The following PEX7 variants were observed in gnomAD, a reference collection of about 807,000 sequenced individuals.
PEX7 encodes the protein PTS2 receptor.
A neutral mutation model predicts 47.5 loss-of-function variants in PEX7; 34 were observed. The ratio of observed to expected loss-of-function variants is 0.72; its 90% CI spans 0.54 to 0.95. PEX7 has a LOEUF of 0.95. Among genes scored for constraint, PEX7 ranks in the 40% least tolerant of loss-of-function variants. The pLI, the probability that PEX7 is intolerant of heterozygous loss-of-function variation, is 0.00. For missense variants in PEX7, 394 were observed against 400.3 expected (o/e 0.98, Z 0.13); for synonymous variants, 141 against 148.8 (o/e 0.95, Z 0.38).
Position 136,866,649 on chromosome 6 carries a change from G to C in PEX7, c.549G>C (p.Trp183Cys), listed in dbSNP as rs753283873. ...TAGGTGATCAGACTCTGAGAATATG[G>C]GATGTGAAGGCAGCAGGAGTAAGAA... ...SASGDQTLRI[W>C]DVKAAGVRIV... Residue 183 changes from tryptophan (W) to cysteine (C), a missense_variant, in exon 6 of 10, where the codon TGG becomes TGC. Transcript: ENST00000318471. 6.2e-7 allele frequency: 1 copy of C among 1,613,972 alleles called. No homozygotes were observed. Among genetic ancestry groups the C allele is most frequent in the Non-Finnish European group, 8.5e-7 (1 of 1,179,936 alleles).
intron 9 of PEX7, among the ~76,000 whole-genome samples, chr6:136,904,295 T>C (rs533317677): frequency 4.6e-5 from 7 of 152,334 alleles, no homozygotes; most frequent in African/African-American, 1.7e-4. Context: ...TGTAATTTTT[T>C]AGCTTACAAT....
At chr6:136,894,097 G>A (rs568120506) in intron 8 of PEX7, among the ~76,000 whole-genome samples, 1 of 152,270 alleles carries the variant, frequency 6.6e-6, no homozygotes, top group African/African-American at 2.4e-5. Flanking sequence ...TGGGAGGGTG[G>A]AGTGGGGAGA....
intron 8 of PEX7, among the ~76,000 whole-genome samples, chr6:136,876,317 G>A (rs569097989): frequency 6.6e-6 from 1 of 152,188 alleles, no homozygotes; most frequent in Non-Finnish European, 1.5e-5. Flanking sequence ...GATTACAGGC[G>A]TGAGCCACTG....
chr6:136,887,235 A>G (rs1775481137), intron 8 of PEX7, among the ~76,000 whole-genome samples: 1 of 152,124 alleles, frequency 6.6e-6, no homozygotes, highest in Admixed American at 6.5e-5. Context: ...TGCCATTACT[A>G]GCTATATTAT....
intron 3 of PEX7, among the ~76,000 whole-genome samples, chr6:136,832,711 C>T (rs1774316333): frequency 6.6e-6 from 1 of 152,176 alleles, no homozygotes; most frequent in South Asian, 2.1e-4. Context: ...TCTCTTTCAC[C>T]AGACACTCTA....
intron 1 of PEX7, chr6:136,823,499 A>AGTG (rs1431891042): frequency 4.9e-5 from 12 of 244,502 alleles, no homozygotes; most frequent in Non-Finnish European, 4.6e-5. Context: ...TTGAGGCTAC[A>AGTG]ATGAGCTGAG....
At chr6:136,898,452 C>T (rs1242517945) in intron 9 of PEX7, among the ~76,000 whole-genome samples, 1 of 152,188 alleles carries the variant, frequency 6.6e-6, no homozygotes, top group Admixed American at 6.5e-5. Flanking sequence ...GAAAAAGGAA[C>T]CTTCCCAGGA....
At chr6:136,885,506 A>G (rs1013683167) in intron 8 of PEX7, among the ~76,000 whole-genome samples, 1 of 152,220 alleles carries the variant, frequency 6.6e-6, no homozygotes, top group Admixed American at 6.5e-5. Context: ...AGCAACATTA[A>G]TGTTTCCAAC....
At chr6:136,850,104 G>A (rs1409883251) in intron 5 of PEX7, among the ~76,000 whole-genome samples, 2 of 151,872 alleles carry the variant, frequency 1.3e-5, no homozygotes, top group African/African-American at 2.4e-5. Context: ...TTACCATTAT[G>A]TAATGGCCTT....
chr6:136,837,905 C>A (rs1392373890), intron 3 of PEX7, among the ~76,000 whole-genome samples: 1 of 151,892 alleles, frequency 6.6e-6, no homozygotes, highest in East Asian at 1.9e-4. Context: ...AATGTAGTCA[C>A]CATTGAAGAT....
chr6:136,841,876 G>A (rs2327764), intron 3 of PEX7, among the ~76,000 whole-genome samples: 102,816 of 150,030 alleles, frequency 0.69, 35,743 homozygotes, highest in African/African-American at 0.84. Context: ...ATGAGCCACC[G>A]TGCCTGGTGT....
chr6:136,826,016 A>C (rs536556324), intron 2 of PEX7, among the ~76,000 whole-genome samples: 85 of 152,252 alleles, frequency 5.6e-4, no homozygotes, highest in Non-Finnish European at 8.4e-4. Context: ...CCTGTCTCTT[A>C]GTGTCCACTC....
chr6:136,881,866 G>T (rs1282656705), intron 8 of PEX7, among the ~76,000 whole-genome samples: 3 of 152,178 alleles, frequency 2.0e-5, no homozygotes, highest in African/African-American at 7.2e-5. Context: ...TGGGGAGGGA[G>T]GTGGCTTAGG....
At chr6:136,874,546 C>G (rs886551580) in intron 8 of PEX7, among the ~76,000 whole-genome samples, 12 of 151,640 alleles carry the variant, frequency 7.9e-5, no homozygotes, top group African/African-American at 2.7e-4. Flanking sequence ...ATGGCAGGTG[C>G]CTGTAATCCC....
chr6:136,862,311 C>T (rs1774981860), intron 5 of PEX7, among the ~76,000 whole-genome samples: 1 of 151,538 alleles, frequency 6.6e-6, no homozygotes, highest in African/African-American at 2.4e-5. Flanking sequence ...CGCCTGGCCT[C>T]AAGTGATCCA....
chr6:136,898,215 G>C lies in PEX7; in HGVS notation c.877G>C (p.Asp293His). Residue 293 changes from aspartate (D) to histidine (H), a missense_variant, in exon 9 of 10, where the codon GAC becomes CAC. Coordinates refer to ENST00000318471, the MANE Select transcript of PEX7 (RefSeq NM_000288.4). ...EHHTEFTCGLDFSLQSPTQVA... is the reference protein window; with the variant it reads ...EHHTEFTCGLHFSLQSPTQVA... ...TCATACAGAGTTTACTTGTGGTTTA[G>C]ACTTCAGTCTTCAGAGCCCCACTCA... 1 of 1,609,254 alleles carries C rather than the reference G, an allele frequency of 6.2e-7. No homozygotes were observed. The highest frequency in any genetic ancestry group is 1.1e-5 in the South Asian group (1 of 90,986).
chr6:136,829,821 C>A (rs902994361), intron 3 of PEX7, among the ~76,000 whole-genome samples: 1 of 152,020 alleles, frequency 6.6e-6, no homozygotes, highest in Non-Finnish European at 1.5e-5. Context: ...ACCTGTAGTC[C>A]CAGCTATTTG....
At chr6:136,827,534 GT>G (rs1774217224) in intron 3 of PEX7, among the ~76,000 whole-genome samples, 1 of 150,846 alleles carries the variant, frequency 6.6e-6, no homozygotes, top group Non-Finnish European at 1.5e-5. Context: ...GTGTGTGTGT[GT>G]GTGTGTGTGT....
In PEX7 at chr6:136,822,734, G is replaced by A. The variant is rs1267307406; in HGVS notation, c.69G>A (p.Glu23=). The A allele has an allele frequency of 2.0e-6, 3 of 1,511,534 alleles. No individual in the cohort carries two copies. The African/African-American group carries it at 4.3e-5, about 22-fold the overall frequency. The allele number at this position is 1,511,534 out of a possible 1,614,324, so 93.6% of individuals were successfully genotyped here. A position where few individuals can be genotyped will look rare whatever the true frequency, so the allele number is the denominator to read the frequency against. The change falls in exon 1 of 10, where the codon GAG becomes GAA. Residue 23 remains glutamate (E), a synonymous_variant. Transcript: ENST00000318471. ...RTPGRHGYAA[E]FSPYLPGRLA... is the part of the protein sequence containing the mutation. ...CGGGACGCCACGGCTACGCCGCCGA[G>A]TTCTCCCCGTACCTGCCGGGCCGCC...
Sources: allele counts gnomAD v4.1 joint callset (sites outside exome capture counted in the v4.1 genomes callset), GRCh38; gene constraint gnomAD v4.1.1; transcripts MANE v1.5; gene names NCBI Gene and HGNC (gene_info 2026-07-23, HGNC 2026-07-21).